The following KNOP1 variants were observed in gnomAD, a reference collection of about 807,000 sequenced individuals.
KNOP1 encodes lysine rich nucleolar protein 1, also known as lysine-rich nucleolar protein 1.
In KNOP1, 20 loss-of-function variants were observed where a neutral mutation model predicts 30.6. The ratio of observed to expected loss-of-function variants is 0.65; its 90% confidence interval spans 0.46 to 0.95. The LOEUF is 0.95. Ranked by LOEUF, KNOP1 falls within the 40% of genes least tolerant of loss-of-function variation. The probability of loss-of-function intolerance (pLI) is 0.00; values close to 1 mark genes in which losing one functional copy is unlikely to be tolerated. For missense variants in KNOP1, 540 were observed against 562.0 expected (o/e 0.96, Z 0.40); for synonymous variants, 204 against 210.0 (o/e 0.97, Z 0.25).
In KNOP1 at chr16:19,703,013, A is replaced by AAG. The variant is rs1976224507; in HGVS notation, c.*3895_*3896dup. ...AGACTGTCTCAAAAAAAAAAAAAGA[A>AAG]AGAAAAACAAAACCATGGCAACTTC... On this transcript the variant is annotated 3_prime_UTR_variant, in exon 5 of 5. Transcript: ENST00000219837. The AAG allele has an allele frequency of 6.7e-6, 1 of 148,428 alleles. No homozygotes were observed. The highest frequency in any genetic ancestry group is 2.1e-4 in the South Asian group (1 of 4,722). 9.2% of individuals were successfully genotyped at this position (148,428 alleles called of 1,614,324 possible).
At chr16:19,711,766 G>A (rs552501032) in intron 2 of KNOP1, 12 of 370,236 alleles carry the variant, frequency 3.2e-5, no homozygotes, top group South Asian at 2.4e-4. Context: ...CTTGGTGTCC[G>A]ACCTTTCCCA....
Position 19,706,901 on chromosome 16 carries a change from C to A in KNOP1, c.*9G>T. 1 of 1,610,806 alleles carries A rather than the reference C, an allele frequency of 6.2e-7. No individual in the cohort carries two copies. The highest frequency in any genetic ancestry group is 8.5e-7 in the Non-Finnish European group (1 of 1,179,546). ...TTGTGGCAGTTTTGGGGGGACAAAACTCTAGAGTTTAATCTTCCAGCTTGA... is the reference window on the plus strand; with the variant it reads ...TTGTGGCAGTTTTGGGGGGACAAAAATCTAGAGTTTAATCTTCCAGCTTGA... On this transcript the variant is annotated 3_prime_UTR_variant, in exon 5 of 5. Transcript: ENST00000219837.
At chr16:19,708,272 C>T (rs1976523820) in intron 4 of KNOP1, among the ~76,000 whole-genome samples, 2 of 151,880 alleles carry the variant, frequency 1.3e-5, no homozygotes, top group Non-Finnish European at 1.5e-5. Flanking sequence ...CCCATTCCAG[C>T]CAGAGTGCGC....
In KNOP1 at chr16:19,714,425, C is replaced by G; in HGVS notation, c.611G>C (p.Ser204Thr). ...AALGQKRKRK[S>T]PREHNGKVKK... ...CACCTTCCCATTGTGTTCTCTGGGG[C>G]TCTTCCGCTTCCGTTTCTGCCCCAA... is the stretch of plus-strand genomic sequence containing the variant. The change falls in exon 2 of 5, where the codon AGC becomes ACC. Residue 204 changes from serine (S) to threonine (T), a missense_variant. Physicochemically the swap from Ser to Thr is moderately conservative, Grantham distance 58 (BLOSUM62 1). Transcript: ENST00000219837. The G allele has an allele frequency of 6.2e-7, 1 of 1,613,854 alleles. No individual in the cohort carries two copies. The highest frequency in any genetic ancestry group is 2.2e-5 in the East Asian group (1 of 44,860).
At chr16:19,715,255 C>T in intron 1 of KNOP1, 1 of 420,424 alleles carries the variant, frequency 2.4e-6, no homozygotes, top group East Asian at 3.6e-5. Context: ...ATGCCTCTCT[C>T]ACCTTAAGTA....
At chr16:19,713,760 G>C (rs1567517364) in intron 2 of KNOP1, among the ~76,000 whole-genome samples, 1 of 152,166 alleles carries the variant, frequency 6.6e-6, no homozygotes, top group East Asian at 1.9e-4. Flanking sequence ...GTTTTGGATA[G>C]CAAGTGGCAA....
chr16:19,716,693 C>T (rs1293868040), intron 1 of KNOP1, among the ~76,000 whole-genome samples: 1 of 152,308 alleles, frequency 6.6e-6, no homozygotes, highest in South Asian at 2.1e-4. Context: ...CCCAGGTTTC[C>T]GTTACCCCTG....
intron 4 of KNOP1, among the ~76,000 whole-genome samples, chr16:19,709,431 T>C (rs560432096): frequency 6.6e-6 from 1 of 152,352 alleles, no homozygotes; most frequent in South Asian, 2.1e-4. Context: ...CTCTATCCTC[T>C]GCCACCATCC....
At position 19,703,581 on chromosome 16, in the gene KNOP1, A is replaced by G. The variant is rs72769523; in HGVS notation, c.*3329T>C. The G allele has an allele frequency of 0.23, 33,842 of 146,516 alleles. 4,381 individuals are homozygous for G. The highest frequency in any genetic ancestry group is 0.36 in the African/African-American group (14,282 of 39,224). The allele number at this position is 146,516 out of a possible 1,614,324, so 9.1% of individuals were successfully genotyped here. A position where few individuals can be genotyped will look rare whatever the true frequency, so the allele number is the denominator to read the frequency against. ...TTGGCAAATTTTTTTTTTTTTTTGG[A>G]ATGGGGTCTTGCTCTGTCACCCAGG... On this transcript the variant is annotated 3_prime_UTR_variant, in exon 5 of 5. Transcript: ENST00000219837.
chr16:19,714,386 T>C lies in KNOP1; in HGVS notation c.650A>G (p.Lys217Arg), dbSNP rs368855262. The stretch of plus-strand genomic sequence containing the variant: ...GAGGGCATCTCCCTCCTGGTGGATT[T>C]TTTTTTTCTTCTTCACCTTCCCATT... ...EHNGKVKKKKKIHQEGDALPG... is the reference protein window; with the variant it reads ...EHNGKVKKKKRIHQEGDALPG... Residue 217 changes from lysine to arginine, a missense_variant, in exon 2 of 5, where the codon AAA becomes AGA. Physicochemically the swap from Lys to Arg is conservative, Grantham distance 26 (BLOSUM62 2). Coordinates refer to ENST00000219837, the MANE Select transcript of KNOP1 (RefSeq NM_001012991.3). The C allele has an allele frequency of 1.4e-5, 23 of 1,613,820 alleles. No individual in the cohort carries two copies. Among genetic ancestry groups the C allele is most frequent in the Non-Finnish European group, 1.9e-5 (23 of 1,179,936 alleles).
In KNOP1 at chr16:19,705,884, C is replaced by A. The variant is rs1976333980; in HGVS notation, c.*1026G>T. On this transcript the variant is annotated 3_prime_UTR_variant, in exon 5 of 5. Coordinates refer to ENST00000219837, the MANE Select transcript of KNOP1 (RefSeq NM_001012991.3). ...TCCAGCCTGGGTGACAGAGTGAGAGCCTATCTCAAAACACACACACACGTC... is the reference window on the plus strand; with the variant it reads ...TCCAGCCTGGGTGACAGAGTGAGAGACTATCTCAAAACACACACACACGTC... The A allele has an allele frequency of 6.6e-6, 1 of 152,360 alleles. No homozygotes were observed. The allele number at this position is 152,360 out of a possible 1,614,324, so 9.4% of individuals were successfully genotyped here.
rs555578483 is a variant in KNOP1, at chr16:19,703,252, C to T, written c.*3658G>A. The T allele has an allele frequency of 7.2e-5, 11 of 152,358 alleles. No homozygotes were observed. Among genetic ancestry groups the T allele is most frequent in the African/African-American group, 2.4e-4 (10 of 41,566 alleles). The allele number at this position is 152,358 out of a possible 1,614,324, so 9.4% of individuals were successfully genotyped here. A position where few individuals can be genotyped will look rare whatever the true frequency, so the allele number is the denominator to read the frequency against. ...TTCCTTGCCTTTTCCAGCTTCTAGA[C>T]AGCACACACATTCCTTGGCTTCTGA... On this transcript the variant is annotated 3_prime_UTR_variant, in exon 5 of 5. Transcript: ENST00000219837.
rs369140660 is a variant in KNOP1 at position 19,707,063 on chromosome 16, C to A, written c.1224G>T (p.Ala408=). 3 of 1,614,008 alleles carry A rather than the reference C, an allele frequency of 1.9e-6. No homozygotes were observed. In the South Asian group the frequency reaches 3.3e-5, roughly 18 times the overall value. Residue 408 remains alanine, a synonymous_variant, in exon 5 of 5, where the codon GCG becomes GCT. Transcript: ENST00000219837. ...GCAGATTCTGCTGCAGGCTGTCAGC[C>A]GCCTTCTTGCCGAGGGCCATGTTGG... ...ARPNMALGKK[A]ADSLQQNLQR...
rs1389903795 is a variant in KNOP1, at chr16:19,703,265, C to T, written c.*3645G>A. On this transcript the variant is annotated 3_prime_UTR_variant, in exon 5 of 5. Transcript: ENST00000219837. ...CCAGCTTCTAGACAGCACACACATT[C>T]CTTGGCTTCTGACCCTTCCCTTCCC... The T allele has an allele frequency of 6.6e-6, 1 of 152,206 alleles. No individual in the cohort carries two copies. The highest frequency in any genetic ancestry group is 1.5e-5 in the Non-Finnish European group (1 of 68,096). 9.4% of individuals were successfully genotyped at this position (152,206 alleles called of 1,614,324 possible). A position where few individuals can be genotyped will look rare whatever the true frequency, so the allele number is the denominator to read the frequency against.
chr16:19,713,993 C>T, intron 2 of KNOP1, 125 bp downstream of exon 2: 1 of 854,946 alleles, frequency 1.2e-6, no homozygotes, highest in Non-Finnish European at 1.8e-6. Flanking sequence ...ATTAATTTAA[C>T]CAGGGTTTTA....
At chr16:19,711,566 C>A in intron 2 of KNOP1, 126 bp from the exon 3 acceptor site, 3 of 801,426 alleles carry the variant, frequency 3.7e-6, no homozygotes, top group East Asian at 4.9e-5. Context: ...TCACCCCCAG[C>A]CCTGCCACCT....
intron 1 of KNOP1, chr16:19,715,413 CT>C (rs59694825): frequency 2.3e-3 from 295 of 126,656 alleles, no homozygotes; most frequent in Middle Eastern, 8.2e-3. Context: ...TTCTTTTTCT[CT>C]TTTTTTTTTT....
intron 2 of KNOP1, 82 bp from the exon 3 acceptor site, chr16:19,711,522 T>C (rs1976721755): frequency 5.7e-6 from 8 of 1,399,584 alleles, no homozygotes; most frequent in African/African-American, 1.4e-5. Flanking sequence ...GGTGAGACCA[T>C]GACAAAGTCC....
intron 3 of KNOP1, among the ~76,000 whole-genome samples, chr16:19,711,145 C>T (rs1417306089): frequency 2.0e-5 from 3 of 152,236 alleles, no homozygotes; most frequent in South Asian, 4.1e-4. Flanking sequence ...AATGGCCAGT[C>T]GGGCCTCTCG....
Sources: gnomAD v4.1 joint callset for allele counts (sites outside exome capture counted in the v4.1 genomes callset) on GRCh38, gnomAD v4.1.1 for gene constraint, MANE v1.5 for transcripts, NCBI Gene and HGNC (gene_info 2026-07-23, HGNC 2026-07-21) for gene names.